Variants in DAB1 observed in about 807,000 individuals in gnomAD.
DAB1 encodes the protein disabled homolog 1.
In DAB1, 15 loss-of-function variants were observed where a neutral mutation model predicts 64.6. The observed-to-expected ratio is 0.23, with a 90% CI of 0.16 to 0.36. The LOEUF (loss-of-function observed/expected upper bound fraction) is 0.36. Ranked by LOEUF, DAB1 falls within the 10% of genes least tolerant of loss-of-function variation. The probability of loss-of-function intolerance (pLI) is 1.00; values close to 1 mark genes in which losing one functional copy is unlikely to be tolerated. For synonymous variants in DAB1, 235 were observed against 251.9 expected, an observed-to-expected ratio of 0.93 and a Z score of 0.64; for missense variants, 596 against 706.7, an observed-to-expected ratio of 0.84 and a Z score of 1.78.
intron 2 of DAB1, among the ~76,000 whole-genome samples, chr1:57,245,915 C>G (rs1235066096): frequency 6.6e-6 from 1 of 152,172 alleles, no homozygotes; most frequent in African/African-American, 2.4e-5. Context: ...AATTTCTAAA[C>G]AGCAAAGCAT....
intron 7 of DAB1, among the ~76,000 whole-genome samples, chr1:57,480,412 T>G (rs968772315): frequency 1.4e-4 from 21 of 152,314 alleles, no homozygotes; most frequent in African/African-American, 2.6e-4. Context: ...TTAAGTAGTA[T>G]TATTATTTTT....
At chr1:57,984,177 CT>C (rs1299974806) in intron 5 of DAB1, among the ~76,000 whole-genome samples, 10 of 70,154 alleles carry the variant, frequency 1.4e-4, no homozygotes, top group Middle Eastern at 0.02. Flanking sequence ...CCAGGACTAG[CT>C]TAAAAAAAAG....
At chr1:57,417,882 T>C (rs1014718260) in intron 1 of DAB1, among the ~76,000 whole-genome samples, 26 of 152,280 alleles carry the variant, frequency 1.7e-4, no homozygotes, top group African/African-American at 5.8e-4. Context: ...TGAAGTCCTA[T>C]CAGTCAGAAC....
chr1:57,049,702 C>G (rs1570593322), intron 9 of DAB1, among the ~76,000 whole-genome samples: 1 of 152,226 alleles, frequency 6.6e-6, no homozygotes, highest in East Asian at 1.9e-4. Context: ...CCTCACATGC[C>G]TCCCCTTAAC....
intron 3 of DAB1, among the ~76,000 whole-genome samples, chr1:58,423,055 C>T (rs1382278369): frequency 2.0e-5 from 3 of 152,170 alleles, no homozygotes; most frequent in African/African-American, 7.2e-5. Flanking sequence ...AATCCCCCTT[C>T]TCCATCATAC....
At chr1:57,102,754 GA>G (rs1224222926) in intron 4 of DAB1, among the ~76,000 whole-genome samples, 4 of 151,696 alleles carry the variant, frequency 2.6e-5, no homozygotes, top group African/African-American at 7.3e-5. Context: ...GTTTTAAATG[GA>G]AAAAAAATGT....
intron 3 of DAB1, among the ~76,000 whole-genome samples, chr1:58,416,424 T>C (rs757459639): frequency 6.6e-6 from 1 of 152,172 alleles, no homozygotes; most frequent in Non-Finnish European, 1.5e-5. Flanking sequence ...TCTTCTCTTA[T>C]AGTTGGAAGG....
intron 1 of DAB1, among the ~76,000 whole-genome samples, chr1:57,406,717 C>T (rs2101045499): frequency 6.6e-6 from 1 of 152,336 alleles, no homozygotes; most frequent in African/African-American, 2.4e-5. Flanking sequence ...TGTCCAAACA[C>T]ATGCCTTTCT....
intron 5 of DAB1, among the ~76,000 whole-genome samples, chr1:57,899,890 G>C (rs1219256999): frequency 6.6e-6 from 1 of 151,790 alleles, no homozygotes; most frequent in African/African-American, 2.4e-5. Context: ...CAATGGAACT[G>C]AACACAAACC....
At chr1:57,222,991 C>T (rs1666996106) in intron 2 of DAB1, among the ~76,000 whole-genome samples, 2 of 152,188 alleles carry the variant, frequency 1.3e-5, no homozygotes, top group African/African-American at 4.8e-5. Context: ...CATTAGGGCA[C>T]CTTGCCTGGC....
At chr1:57,495,992 G>C (rs1434668724) in intron 7 of DAB1, among the ~76,000 whole-genome samples, 3 of 152,128 alleles carry the variant, frequency 2.0e-5, no homozygotes, top group Non-Finnish European at 2.9e-5. Flanking sequence ...ACACATAGTA[G>C]GTGCTCAATA....
At chr1:58,415,858 G>A (rs1167867438) in intron 3 of DAB1, among the ~76,000 whole-genome samples, 1 of 152,174 alleles carries the variant, frequency 6.6e-6, no homozygotes, top group Non-Finnish European at 1.5e-5. Context: ...CCAACTGAAT[G>A]TTGCATTTGA....
intron 2 of DAB1, among the ~76,000 whole-genome samples, chr1:57,199,144 C>T (rs992504615): frequency 1.3e-5 from 2 of 152,238 alleles, no homozygotes; most frequent in African/African-American, 4.8e-5. Context: ...CCACTCCACA[C>T]ACTGAAGGCT....
chr1:58,158,430 C>T (rs1376835244), intron 4 of DAB1, among the ~76,000 whole-genome samples: 3 of 152,114 alleles, frequency 2.0e-5, no homozygotes, highest in East Asian at 1.9e-4. Context: ...AGGTATCAGT[C>T]CTGGCTTGTT....
intron 5 of DAB1, chr1:58,079,994 T>C (rs560886378): frequency 6.6e-6 from 1 of 152,326 alleles, no homozygotes; most frequent in Admixed American, 6.5e-5. Context: ...ATCCTAGCCT[T>C]TGTTTCTGTT....
intron 7 of DAB1, among the ~76,000 whole-genome samples, chr1:57,564,541 A>T (rs937663899): frequency 6.6e-6 from 1 of 152,168 alleles, no homozygotes; most frequent in African/African-American, 2.4e-5. Flanking sequence ...TTGAAAAAAG[A>T]TTAGATGAAT....
intron 8 of DAB1, among the ~76,000 whole-genome samples, chr1:57,066,759 T>C (rs1369057349): frequency 6.6e-6 from 1 of 152,206 alleles, no homozygotes; most frequent in African/African-American, 2.4e-5. Flanking sequence ...ACTGCTCTCC[T>C]CCTCGTTTTA....
At chr1:57,046,655 A>T (rs1648535275) in intron 9 of DAB1, among the ~76,000 whole-genome samples, 1 of 152,232 alleles carries the variant, frequency 6.6e-6, no homozygotes, top group Admixed American at 6.5e-5. Flanking sequence ...GATCTGTATT[A>T]CAGGAATAAT....
At chr1:57,985,773 C>T (rs569063254) in intron 5 of DAB1, among the ~76,000 whole-genome samples, 120 of 152,140 alleles carry the variant, frequency 7.9e-4, no homozygotes, top group African/African-American at 2.6e-3. Flanking sequence ...AAATAAGATG[C>T]GTGGTCAGTG....
Sources: allele counts gnomAD v4.1 joint callset (sites outside exome capture counted in the v4.1 genomes callset), GRCh38; gene constraint gnomAD v4.1.1; transcripts MANE v1.5; gene names NCBI Gene and HGNC (gene_info 2026-07-23, HGNC 2026-07-21).